WWP2: variants seen among roughly 807,000 people sequenced by gnomAD.
WWP2 encodes NEDD4-like E3 ubiquitin-protein ligase WWP2.
A neutral mutation model predicts 121.0 loss-of-function variants in WWP2; 57 were observed. That is an observed-to-expected ratio of 0.47 (90% CI 0.38 to 0.59). The LOEUF is 0.59. Among genes scored for constraint, WWP2 ranks in the 20% least tolerant of loss-of-function variants. The pLI, the probability that WWP2 is intolerant of heterozygous loss-of-function variation, is 0.00. For missense variants in WWP2, 962 were observed against 1,158.9 expected, an observed-to-expected ratio of 0.83 and a Z score of 2.47; for synonymous variants, 449 against 441.3, an observed-to-expected ratio of 1.02 and a Z score of -0.22.
chr16:69,794,093 C>T (rs933267268), intron 2 of WWP2, among the ~76,000 whole-genome samples: 8 of 151,878 alleles, frequency 5.3e-5, no homozygotes, highest in East Asian at 1.9e-4. Context: ...AAGTTTTGTA[C>T]TTGTAGTAGA....
intron 1 of WWP2, among the ~76,000 whole-genome samples, chr16:69,786,442 CTTTTTTTTT>C (rs957224996): frequency 5.9e-5 from 5 of 85,406 alleles, no homozygotes; most frequent in African/African-American, 1.8e-4. Flanking sequence ...CCCAGCCAAT[CTTTTTTTTT>C]TTTTTTTTTT....
At chr16:69,805,982 A>T (rs777632700) in intron 4 of WWP2, among the ~76,000 whole-genome samples, 1 of 151,956 alleles carries the variant, frequency 6.6e-6, no homozygotes, top group Non-Finnish European at 1.5e-5. Context: ...GGATCACTTG[A>T]GGCCAGTAGT....
chr16:69,794,800 A>G (rs1285563449), intron 2 of WWP2, among the ~76,000 whole-genome samples: 1 of 152,254 alleles, frequency 6.6e-6, no homozygotes, highest in Non-Finnish European at 1.5e-5. Context: ...TTAAACAAAC[A>G]AAAATCATTG....
At chr16:69,894,049 C>T (rs2058070137) in intron 8 of WWP2, among the ~76,000 whole-genome samples, 1 of 151,818 alleles carries the variant, frequency 6.6e-6, no homozygotes, top group South Asian at 2.1e-4. Context: ...TTGGGGATCT[C>T]ATGGCTGTAT....
chr16:69,881,267 G>T (rs2057824250), intron 7 of WWP2, among the ~76,000 whole-genome samples: 1 of 152,200 alleles, frequency 6.6e-6, no homozygotes, highest in African/African-American at 2.4e-5. Flanking sequence ...ACTTCGTGGT[G>T]TTCTGGTTTG....
intron 11 of WWP2, among the ~76,000 whole-genome samples, chr16:69,927,066 G>A (rs1459198989): frequency 2.0e-5 from 3 of 152,116 alleles, no homozygotes; most frequent in African/African-American, 4.8e-5. Flanking sequence ...GATAGAAATG[G>A]AGGAGCCGTG....
intron 4 of WWP2, among the ~76,000 whole-genome samples, chr16:69,814,186 G>A (rs564853938): frequency 6.6e-6 from 1 of 152,014 alleles, no homozygotes; most frequent in South Asian, 2.1e-4. Flanking sequence ...TTTTTGACAA[G>A]GTCTTGCTCT....
chr16:69,874,230 C>T (rs7189521), intron 7 of WWP2, among the ~76,000 whole-genome samples: 6,552 of 152,248 alleles, frequency 0.043, 419 homozygotes, highest in African/African-American at 0.14. Context: ...AACGTCTGCC[C>T]CAAGGGTACA....
intron 6 of WWP2, among the ~76,000 whole-genome samples, chr16:69,853,220 A>T (rs911337938): frequency 2.6e-5 from 4 of 152,218 alleles, no homozygotes; most frequent in Non-Finnish European, 5.9e-5. Flanking sequence ...AGGATTTAAT[A>T]TGGGGAATTA....
intron 1 of WWP2, among the ~76,000 whole-genome samples, chr16:69,778,454 G>A (rs576756281): frequency 1.3e-5 from 2 of 151,964 alleles, no homozygotes; most frequent in Non-Finnish European, 2.9e-5. Flanking sequence ...ACTTGAGTAC[G>A]TGTACGGAGT....
chr16:69,933,462 A>C (rs748637298), intron 16 of WWP2, among the ~76,000 whole-genome samples: 1 of 152,154 alleles, frequency 6.6e-6, no homozygotes, highest in Non-Finnish European at 1.5e-5. Context: ...CATGGATTAC[A>C]TTGTCATGGA....
intron 4 of WWP2, among the ~76,000 whole-genome samples, chr16:69,810,119 T>C (rs2056360041): frequency 6.6e-6 from 1 of 152,266 alleles, no homozygotes; most frequent in Non-Finnish European, 1.5e-5. Context: ...ATTCTCCTCT[T>C]CCACGGACAG....
At chr16:69,819,643 A>G (rs1055739275) in intron 4 of WWP2, among the ~76,000 whole-genome samples, 4 of 152,164 alleles carry the variant, frequency 2.6e-5, no homozygotes, top group African/African-American at 9.7e-5. Flanking sequence ...CCTGGCCCCA[A>G]GCAATCTTCC....
At chr16:69,926,628 C>T (rs2058644080) in intron 11 of WWP2, among the ~76,000 whole-genome samples, 1 of 152,170 alleles carries the variant, frequency 6.6e-6, no homozygotes, top group Admixed American at 6.5e-5. Context: ...TCCAGTGTGC[C>T]AGAAGGGCCT....
chr16:69,775,172 A>G (rs148673417), intron 1 of WWP2: 54 of 152,206 alleles, frequency 3.5e-4, no homozygotes, highest in African/African-American at 1.1e-3. Flanking sequence ...AACAAGTCCT[A>G]TTTGTTCAGA....
At chr16:69,905,254 C>G (rs1230109726) in intron 8 of WWP2, among the ~76,000 whole-genome samples, 4 of 152,218 alleles carry the variant, frequency 2.6e-5, no homozygotes, top group Admixed American at 6.5e-5. Flanking sequence ...TGTCTTTAAA[C>G]AGTAGCACTC....
intron 2 of WWP2, among the ~76,000 whole-genome samples, chr16:69,787,336 T>C (rs1197710526): frequency 6.6e-6 from 1 of 152,184 alleles, no homozygotes; most frequent in Non-Finnish European, 1.5e-5. Context: ...ACGCCTGTAA[T>C]TCAGCACTTT....
intron 6 of WWP2, among the ~76,000 whole-genome samples, chr16:69,847,350 G>A: frequency 6.6e-6 from 1 of 151,738 alleles, no homozygotes. Flanking sequence ...CTCCCAAAGT[G>A]CTGGGATTAC....
At chr16:69,877,607 G>A (rs2057756167) in intron 7 of WWP2, among the ~76,000 whole-genome samples, 1 of 151,820 alleles carries the variant, frequency 6.6e-6, no homozygotes, top group Non-Finnish European at 1.5e-5. Flanking sequence ...GCTTTGGCCT[G>A]TCTTGGCTTT....
Sources: gnomAD v4.1 joint callset for allele counts (sites outside exome capture counted in the v4.1 genomes callset) on GRCh38, gnomAD v4.1.1 for gene constraint, MANE v1.5 for transcripts, NCBI Gene and HGNC (gene_info 2026-07-23, HGNC 2026-07-21) for gene names.